The following DPP8 variants were observed in gnomAD, a reference collection of about 807,000 sequenced individuals.
DPP8 encodes the protein DPP VIII.
A neutral mutation model predicts 107.5 loss-of-function variants in DPP8; 31 were observed. The observed-to-expected ratio is 0.29, with a 90% CI of 0.22 to 0.39. The LOEUF is 0.39. Ranked by LOEUF, DPP8 falls within the 10% of genes least tolerant of loss-of-function variation. The pLI, the probability that DPP8 is intolerant of heterozygous loss-of-function variation, is 1.00. For missense variants in DPP8, 842 were observed against 1,076.1 expected (o/e 0.78, Z 3.04); for synonymous variants, 381 against 356.6 (o/e 1.07, Z -0.77).
At chr15:65,486,399 AC>A (rs1291187305) in intron 7 of DPP8, among the ~76,000 whole-genome samples, 1 of 151,728 alleles carries the variant, frequency 6.6e-6, no homozygotes, top group African/African-American at 2.4e-5. Context: ...AAAAAAAAAA[AC>A]AAAAACAAAA....
At position 65,443,188 on chromosome 15, in the gene DPP8, T is replaced by G. The variant is rs2063359067; in HGVS notation, c.*3696A>C. ...TTTATAGGAATATATTAATAAATAT[T>G]TCTTTAAAAATTTACCTTTTCTATA... is the stretch of plus-strand genomic sequence containing the variant. On this transcript the variant is annotated 3_prime_UTR_variant, in exon 20 of 20. Transcript: ENST00000300141. 6.6e-6 allele frequency: 1 copy of G among 152,230 alleles called. No individual in the cohort carries two copies. Among genetic ancestry groups the G allele is most frequent in the Non-Finnish European group, 1.5e-5 (1 of 68,048 alleles). 9.4% of individuals were successfully genotyped at this position (152,230 alleles called of 1,614,324 possible).
rs750184682 is a variant in DPP8, at chr15:65,467,130, G to A, written c.1630C>T (p.Pro544Ser). The stretch of plus-strand genomic sequence containing the variant: ...TCAGTCAGCCTTGTCACCTCTCCAG[G>A]ATTTACGTAACTGACTACGTACAGG... Reference protein sequence around the residue: ...HHLYVVSYVNPGEVTRLTDRG... With the variant: ...HHLYVVSYVNSGEVTRLTDRG... Residue 544 changes from proline (P) to serine (S), a missense_variant, in exon 13 of 20, where the codon CCT becomes TCT. Physicochemically the swap from Pro to Ser is moderately conservative, Grantham distance 74 (BLOSUM62 -1). Coordinates refer to ENST00000300141, the MANE Select transcript of DPP8 (RefSeq NM_130434.5). 3 of 1,614,118 alleles carry A rather than the reference G, an allele frequency of 1.9e-6. No individual in the cohort carries two copies. Among genetic ancestry groups the A allele is most frequent in the Non-Finnish European group, 2.5e-6 (3 of 1,180,020 alleles).
At chr15:65,512,989 G>A (rs1434642034) in intron 1 of DPP8, among the ~76,000 whole-genome samples, 1 of 152,200 alleles carries the variant, frequency 6.6e-6, no homozygotes, top group Non-Finnish European at 1.5e-5. Flanking sequence ...AACACATTTG[G>A]TAAGTGTGGA....
At chr15:65,470,969 C>T (rs536152879) in intron 12 of DPP8, among the ~76,000 whole-genome samples, 4 of 149,530 alleles carry the variant, frequency 2.7e-5, no homozygotes, top group Admixed American at 2.0e-4. Context: ...GACAGACTAA[C>T]GTATCACAAG....
At chr15:65,448,743 A>AAAATATACATATATATCTG (rs1455383261) in intron 19 of DPP8, among the ~76,000 whole-genome samples, 15 of 129,196 alleles carry the variant, frequency 1.2e-4, no homozygotes, top group South Asian at 2.4e-4. Context: ...ATATATATCT[A>AAAATATACATATATATCTG]AAATATACAT....
intron 3 of DPP8, among the ~76,000 whole-genome samples, chr15:65,503,201 G>A (rs944678061): frequency 4.6e-5 from 7 of 151,590 alleles, no homozygotes; most frequent in Non-Finnish European, 7.4e-5. Flanking sequence ...TCTGCCTCCC[G>A]GGTTCAAGAG....
intron 1 of DPP8, among the ~76,000 whole-genome samples, chr15:65,514,030 ATC>A (rs2071131402): frequency 6.6e-6 from 1 of 152,240 alleles, no homozygotes; most frequent in Admixed American, 6.5e-5. Flanking sequence ...CATTTAATAT[ATC>A]TTTTTTAAAG....
chr15:65,480,963 G>A (rs1489073708), intron 9 of DPP8, among the ~76,000 whole-genome samples: 1 of 152,020 alleles, frequency 6.6e-6, no homozygotes, highest in Non-Finnish European at 1.5e-5. Flanking sequence ...TGGACATGGT[G>A]GCATGTCCCC....
chr15:65,513,479 T>A (rs1484526207), intron 1 of DPP8, among the ~76,000 whole-genome samples: 1 of 152,254 alleles, frequency 6.6e-6, no homozygotes, highest in Non-Finnish European at 1.5e-5. Context: ...CCCAAAGTGC[T>A]GGGATTACAG....
At chr15:65,478,415 A>G (rs936278573) in intron 11 of DPP8, among the ~76,000 whole-genome samples, 3 of 152,104 alleles carry the variant, frequency 2.0e-5, no homozygotes, top group Admixed American at 6.6e-5. Flanking sequence ...GCACACCACC[A>G]CGCCCGGATC....
rs1476593152 is a variant in DPP8, at chr15:65,444,289, T to C, written c.*2595A>G. The stretch of plus-strand genomic sequence containing the variant: ...TTTTAGAAGTATCCCAGATGAATCT[T>C]AGATTTTGAGTTCCACTACTCTGTA... On this transcript the variant is annotated 3_prime_UTR_variant, in exon 20 of 20. Coordinates refer to ENST00000300141, the MANE Select transcript of DPP8 (RefSeq NM_130434.5). 4 of 152,222 alleles carry C rather than the reference T, an allele frequency of 2.6e-5. No homozygotes were observed. The highest frequency in any genetic ancestry group is 5.9e-5 in the Non-Finnish European group (4 of 68,044). The allele number at this position is 152,222 out of a possible 1,614,324, so 9.4% of individuals were successfully genotyped here. A position where few individuals can be genotyped will look rare whatever the true frequency, so the allele number is the denominator to read the frequency against.
At chr15:65,477,775 G>A (rs987793415) in intron 11 of DPP8, among the ~76,000 whole-genome samples, 1 of 151,766 alleles carries the variant, frequency 6.6e-6, no homozygotes. Flanking sequence ...CTTATGATCC[G>A]CCTGCCTCGG....
At chr15:65,496,504 T>C (rs913800540) in intron 5 of DPP8, among the ~76,000 whole-genome samples, 1 of 152,198 alleles carries the variant, frequency 6.6e-6, no homozygotes, top group Non-Finnish European at 1.5e-5. Flanking sequence ...GAGGAAACCA[T>C]TCACATCTCT....
Position 65,463,886 on chromosome 15 carries a change from G to C in DPP8, c.1846C>G (p.Pro616Ala). ...CTTTCAAAAGAGAAAATTTCTGGAG[G>C]AGTATAGTCAGGAAGAGGACCTGTG... ...DSAGPLPDYT[P>A]PEIFSFESTT... is the part of the protein sequence containing the mutation. Residue 616 changes from proline to alanine, a missense_variant, in exon 15 of 20, where the codon CCT becomes GCT. This residue lies in a region of DPP8 where 663 missense variants were observed against 758.0 expected (regional missense o/e 0.87). Transcript: ENST00000300141. The C allele has an allele frequency of 6.3e-7, 1 of 1,588,678 alleles. No individual in the cohort carries two copies. The highest frequency in any genetic ancestry group is 8.5e-7 in the Non-Finnish European group (1 of 1,170,366).
chr15:65,497,798 G>T, intron 5 of DPP8, 66 bp downstream of exon 5: 2 of 1,246,894 alleles, frequency 1.6e-6, no homozygotes, highest in Non-Finnish European at 1.1e-6. Context: ...ATTTCAAAAT[G>T]CAAGCAGCAA....
chr15:65,466,912 G>A (rs1467791807), intron 13 of DPP8, 99 bp from the exon 14 acceptor site: 2 of 1,413,980 alleles, frequency 1.4e-6, no homozygotes, highest in East Asian at 2.3e-5. Flanking sequence ...TATTATAAGA[G>A]ACTATTTATG....
chr15:65,464,446 C>T lies in DPP8; in HGVS notation c.1826-540G>A, dbSNP rs570520659. ...CCTACAATCCTAGCATTTTGGGAGG[C>T]TGAGGTGGGTGGATTGCTTGAGCCC... On this transcript the variant is annotated intron_variant, in intron 14 of 19. Transcript: ENST00000300141. 1.4e-3 allele frequency among the ~76,000 whole-genome samples: 219 copies of T among 152,188 alleles called. 1 individual carries two copies. The highest frequency in any genetic ancestry group is 5.2e-3 in the African/African-American group (217 of 41,512).
Position 65,467,165 on chromosome 15 carries a change from A to G in DPP8, c.1595T>C (p.Leu532Ser). The G allele has an allele frequency of 6.2e-7, 1 of 1,614,080 alleles. No individual in the cohort carries two copies. The highest frequency in any genetic ancestry group is 8.5e-7 in the Non-Finnish European group (1 of 1,179,988). Residue 532 changes from leucine to serine, a missense_variant, in exon 13 of 20, where the codon TTA (leucine) becomes TCA (serine). Physicochemically the swap from Leu to Ser is moderately radical, Grantham distance 145. Transcript: ENST00000300141. ...VYFEGTKDSPLEHHLYVVSYV... is the reference protein window; with the variant it reads ...VYFEGTKDSPSEHHLYVVSYV... ...ACTGACTACGTACAGGTGATGCTCTAAAGGGGAGTCTTTGGTGCCTTCAAA... is the reference window on the plus strand; with the variant it reads ...ACTGACTACGTACAGGTGATGCTCTGAAGGGGAGTCTTTGGTGCCTTCAAA...
At chr15:65,472,302 G>GT (rs927177227) in intron 12 of DPP8, among the ~76,000 whole-genome samples, 40 of 151,600 alleles carry the variant, frequency 2.6e-4, no homozygotes, top group African/African-American at 7.5e-4. Context: ...TTATTTATTG[G>GT]TTTTTTTTGA....
Sources: gnomAD v4.1 joint callset for allele counts (sites outside exome capture counted in the v4.1 genomes callset) on GRCh38, gnomAD v4.1.1 for gene constraint, gnomAD v4.1.1 regional missense constraint, MANE v1.5 for transcripts, NCBI Gene and HGNC (gene_info 2026-07-23, HGNC 2026-07-21) for gene names.